The following PBRM1 variants were observed in gnomAD, a reference collection of about 807,000 sequenced individuals.
PBRM1 encodes the protein polybromo 1.
PBRM1 carries 27 observed loss-of-function variants against 194.5 expected under a neutral mutation model. That is an observed-to-expected ratio of 0.14 (90% CI 0.10 to 0.19). PBRM1 has a LOEUF of 0.19. Among genes scored for constraint, PBRM1 ranks in the 10% least tolerant of loss-of-function variants. PBRM1 has a pLI of 1.00. For missense variants in PBRM1, 1,466 were observed against 2,077.2 expected (o/e 0.71, Z 5.72); for synonymous variants, 655 against 693.2 (o/e 0.94, Z 0.87).
Position 52,567,779 on chromosome 3 carries a change from G to A in PBRM1, c.3692-3546C>T, listed in dbSNP as rs1394523321. Among the ~76,000 whole-genome samples the A allele has an allele frequency of 8.2e-5, 12 of 146,242 alleles. 1 individual carries two copies. Among genetic ancestry groups the A allele is most frequent in the Admixed American group, 7.5e-4 (11 of 14,602 alleles). ...CCCGAGTAGCTGGGATTACAGGCGT[G>A]TGCCACCATGCCTGGCTAATTTTTG... On this transcript the variant is annotated intron_variant, in intron 22 of 29. Transcript: ENST00000296302.
exon 21 of PBRM1, chr3:52,579,063 C>T (rs2090427693): frequency 1.9e-6 from 3 of 1,614,024 alleles, no homozygotes; most frequent in East Asian, 2.2e-5. Context: ...CCTGCCCACA[C>T]GAGGACGCAC....
chr3:52,641,761 C>T lies in PBRM1; in HGVS notation c.1087+193G>A, dbSNP rs534225841. Among the ~76,000 whole-genome samples, 4 of 152,154 alleles carry T rather than the reference C, an allele frequency of 2.6e-5. No homozygotes were observed. In the East Asian group the frequency reaches 7.7e-4, roughly 29 times the overall value. On this transcript the variant is annotated intron_variant, in intron 10 of 29. Transcript: ENST00000296302. ...TATTTTTGCAGAAGTATTATTTACCCAAATATGAGTTTTAAGACAAGATAA... is the reference window on the plus strand; with the variant it reads ...TATTTTTGCAGAAGTATTATTTACCTAAATATGAGTTTTAAGACAAGATAA...
At chr3:52,575,638 T>C (rs1011921517) in intron 22 of PBRM1, among the ~76,000 whole-genome samples, 1 of 147,844 alleles carries the variant, frequency 6.8e-6, no homozygotes, top group African/African-American at 2.5e-5. Flanking sequence ...CCAGAGTAAC[T>C]AGGATTACAG....
chr3:52,643,704 G>A (rs756313855), intron 8 of PBRM1, among the ~76,000 whole-genome samples: 2 of 152,228 alleles, frequency 1.3e-5, no homozygotes, highest in South Asian at 2.1e-4. Flanking sequence ...GGGCGCAGTG[G>A]CTCACGCCTG....
intron 21 of PBRM1, among the ~76,000 whole-genome samples, chr3:52,577,781 G>A (rs928365864): frequency 5.3e-5 from 8 of 152,160 alleles, no homozygotes; most frequent in Non-Finnish European, 5.9e-5. Flanking sequence ...CATCCTAGGC[G>A]GTGGATCTCC....
chr3:52,582,481 C>T (rs2153716151), intron 20 of PBRM1, among the ~76,000 whole-genome samples: 1 of 146,576 alleles, frequency 6.8e-6, no homozygotes, highest in African/African-American at 2.5e-5. Flanking sequence ...GTGATCTCAG[C>T]TCACTGCAGC....
chr3:52,643,842 T>A (rs1276885933), intron 8 of PBRM1, among the ~76,000 whole-genome samples: 2 of 152,036 alleles, frequency 1.3e-5, no homozygotes, highest in African/African-American at 4.8e-5. Flanking sequence ...CATGGTGGTG[T>A]GTGCCTGAAG....
intron 29 of PBRM1, among the ~76,000 whole-genome samples, 184 bp from the exon 32 acceptor site, chr3:52,548,419 T>A (rs1292214458): frequency 6.6e-6 from 1 of 151,976 alleles, no homozygotes; most frequent in Non-Finnish European, 1.5e-5. Context: ...ACTAAAAGAT[T>A]TGATCATAAA....
chr3:52,670,060 AG>A (rs5848958), intron 2 of PBRM1, among the ~76,000 whole-genome samples: 51,999 of 152,052 alleles, frequency 0.34, 9,901 homozygotes, highest in Admixed American at 0.46. Context: ...CTGGGCCTAC[AG>A]GACCCACAGT....
rs200893935 is a variant in PBRM1 at position 52,634,840 on chromosome 3, T to C, written c.1088-25A>G. 16 of 1,515,060 alleles carry C rather than the reference T, an allele frequency of 1.1e-5. No individual in the cohort carries two copies. In the Middle Eastern group the frequency reaches 6.8e-4, roughly 65 times the overall value. The allele number at this position is 1,515,060 out of a possible 1,614,324, so 93.9% of individuals were successfully genotyped here. On this transcript the variant is annotated intron_variant, in intron 10 of 29. Transcript: ENST00000296302. Reference sequence around the variant, plus strand: ...GCTGGAAAGACAAAAAAAGTATTTATAAAGGGACGAATGAGATGAAGAAAG... The same window carrying C: ...GCTGGAAAGACAAAAAAAGTATTTACAAAGGGACGAATGAGATGAAGAAAG...
intron 16 of PBRM1, among the ~76,000 whole-genome samples, chr3:52,608,792 T>C (rs1225709036): frequency 6.6e-6 from 1 of 152,044 alleles, no homozygotes; most frequent in African/African-American, 2.4e-5. Flanking sequence ...CTAAATTTGA[T>C]TGCTTCTTTT....
chr3:52,563,618 A>T, intron 23 of PBRM1, 125 bp from the exon 26 acceptor site: 1 of 648,886 alleles, frequency 1.5e-6, no homozygotes, highest in Non-Finnish European at 2.7e-6. Flanking sequence ...CTCTAAAGGC[A>T]GCATGGAAAG....
intron 13 of PBRM1, 32 bp downstream of exon 15, chr3:52,624,865 A>G (rs1254168990): frequency 2.9e-6 from 4 of 1,402,326 alleles, no homozygotes; most frequent in Non-Finnish European, 3.0e-6. Context: ...ACACTTTAAA[A>G]GAATGTTTAT....
At chr3:52,671,966 C>T (rs2096958020) in intron 2 of PBRM1, among the ~76,000 whole-genome samples, 1 of 152,180 alleles carries the variant, frequency 6.6e-6, no homozygotes, top group East Asian at 1.9e-4. Flanking sequence ...CAGCTTTCTA[C>T]AGCTGCTGTA....
intron 22 of PBRM1, among the ~76,000 whole-genome samples, chr3:52,575,898 CAA>C (rs1486593629): frequency 6.6e-6 from 1 of 151,836 alleles, no homozygotes; most frequent in African/African-American, 2.4e-5. Context: ...AATGAAGAGA[CAA>C]ATTATAAAAA....
intron 15 of PBRM1, 91 bp from the exon 18 acceptor site, chr3:52,610,046 G>T (rs1330111978): frequency 1.3e-6 from 1 of 745,228 alleles, no homozygotes; most frequent in African/African-American, 1.8e-5. Flanking sequence ...ACGATTCCAA[G>T]TAATTTGTAA....
At chr3:52,587,225 A>G in intron 19 of PBRM1, 128 bp downstream of exon 21, 3 of 737,786 alleles carry the variant, frequency 4.1e-6, no homozygotes, top group Non-Finnish European at 6.9e-6. Flanking sequence ...TCATATAGCT[A>G]TATAGACACG....
chr3:52,610,678 C>G (rs2094561126), intron 15 of PBRM1, among the ~76,000 whole-genome samples: 2 of 152,198 alleles, frequency 1.3e-5, no homozygotes, highest in Admixed American at 6.5e-5. Context: ...GTGGCTCATG[C>G]CTGTAATCCC....
At chr3:52,551,878 C>T (rs905888219) in intron 27 of PBRM1, 4 of 152,184 alleles carry the variant, frequency 2.6e-5, no homozygotes, top group Non-Finnish European at 5.9e-5. Flanking sequence ...ATTTGCATGT[C>T]ATCCTTGTGC....
Sources: allele counts gnomAD v4.1 joint callset (sites outside exome capture counted in the v4.1 genomes callset), GRCh38; gene constraint gnomAD v4.1.1; transcripts MANE v1.5; gene names NCBI Gene and HGNC (gene_info 2026-07-23, HGNC 2026-07-21).